Variants in ASPG observed in about 807,000 individuals in gnomAD.
ASPG encodes asparaginase, also known as 60 kDa lysophospholipase.
In ASPG, 53 loss-of-function variants were observed where a neutral mutation model predicts 63.2. The observed-to-expected ratio is 0.84, with a 90% confidence interval of 0.67 to 1.05. The LOEUF is 1.05. Ranked by LOEUF, ASPG falls within the 50% of genes least tolerant of loss-of-function variation. ASPG has a pLI of 0.00. For synonymous variants in ASPG, 370 were observed against 355.0 expected, an observed-to-expected ratio of 1.04 and a Z score of -0.48; for missense variants, 741 against 794.4, an observed-to-expected ratio of 0.93 and a Z score of 0.81.
At chr14:104,095,687 C>T (rs750232767) in intron 4 of ASPG, 31 bp downstream of exon 4, 1 of 1,610,972 alleles carries the variant, frequency 6.2e-7, no homozygotes, top group Non-Finnish European at 8.5e-7. Flanking sequence ...CTCCTAGGAA[C>T]AGGGGCTTCC....
In ASPG at chr14:104,112,075, G is replaced by C; in HGVS notation, c.1701+75G>C. The C allele has an allele frequency of 4.3e-6, 6 of 1,401,966 alleles. No individual in the cohort carries two copies. The East Asian group carries it at 7.5e-5, about 17-fold the overall frequency. 86.8% of individuals were successfully genotyped at this position (1,401,966 alleles called of 1,614,324 possible). A position where few individuals can be genotyped will look rare whatever the true frequency, so the allele number is the denominator to read the frequency against. On this transcript the variant is annotated intron_variant, in intron 15 of 15. Transcript: ENST00000551177. Reference sequence around the variant, plus strand: ...GCAGGGCTGGATCCTGGCTCGGGGGGGCGTAATCAAGGGGAACAGAACCGG... The same window carrying C: ...GCAGGGCTGGATCCTGGCTCGGGGGCGCGTAATCAAGGGGAACAGAACCGG...
rs538671236 is a variant in ASPG, at chr14:104,104,166, C to T, written c.754-138C>T. ...AGCAGCCATGCACGTCTGCCAGGAG[C>T]CCCACTGTCCCGGGAGCAGAGCAGG... On this transcript the variant is annotated intron_variant, in intron 7 of 15. Coordinates refer to ENST00000551177, the MANE Select transcript of ASPG (RefSeq NM_001080464.3). 46 of 967,700 alleles carry T rather than the reference C, an allele frequency of 4.8e-5. No homozygotes were observed. The African/African-American group carries it at 6.9e-4, about 15-fold the overall frequency. The allele number at this position is 967,700 out of a possible 1,614,324, so 59.9% of individuals were successfully genotyped here.
At chr14:104,089,452 G>A (rs1417791725) in intron 1 of ASPG, among the ~76,000 whole-genome samples, 1 of 152,068 alleles carries the variant, frequency 6.6e-6, no homozygotes, top group African/African-American at 2.4e-5. Flanking sequence ...CCAGGAGGTG[G>A]AGGTTGCAGT....
intron 1 of ASPG, among the ~76,000 whole-genome samples, chr14:104,089,992 A>G (rs2036322609): frequency 6.6e-6 from 1 of 151,856 alleles, no homozygotes; most frequent in Admixed American, 6.6e-5. Context: ...AGGAGAAGAA[A>G]AAGAAAAAAG....
intron 4 of ASPG, among the ~76,000 whole-genome samples, chr14:104,096,205 A>T (rs1266150727): frequency 6.6e-6 from 1 of 152,126 alleles, no homozygotes; most frequent in Non-Finnish European, 1.5e-5. Context: ...ACTGGATTTG[A>T]GGGGATGTGG....
intron 6 of ASPG, among the ~76,000 whole-genome samples, chr14:104,102,758 G>A (rs2036934527): frequency 6.6e-6 from 1 of 152,204 alleles, no homozygotes; most frequent in African/African-American, 2.4e-5. Flanking sequence ...AACCCTGGGG[G>A]CTCAATTGCT....
At position 104,095,547 on chromosome 14, in the gene ASPG, A is replaced by G. The variant is rs990194718; in HGVS notation, c.320A>G (p.Tyr107Cys). ...AQTIKRHYEQ[Y>C]HGFVVIHGTD... is the part of the protein sequence containing the mutation. ...CTCCTGCAGAGGCACTACGAGCAGT[A>G]CCACGGCTTTGTGGTCATCCACGGC... Residue 107 changes from tyrosine (Y) to cysteine (C), a missense_variant, in exon 4 of 16, where the codon TAC (tyrosine) becomes TGC (cysteine). By Grantham distance (194) the Tyr-to-Cys change is radical (BLOSUM62 -2). Transcript: ENST00000551177. The G allele has an allele frequency of 6.2e-7, 1 of 1,613,050 alleles. No individual in the cohort carries two copies. The highest frequency in any genetic ancestry group is 1.3e-5 in the African/African-American group (1 of 75,036).
At chr14:104,111,757 C>T in intron 14 of ASPG, 156 bp downstream of exon 14, 2 of 924,492 alleles carry the variant, frequency 2.2e-6, no homozygotes, top group Non-Finnish European at 3.3e-6. Context: ...ACTGGGTCCC[C>T]TTCCCGGGGC....
chr14:104,106,034 CCGG>C (rs1199315595), intron 10 of ASPG, among the ~76,000 whole-genome samples: 1 of 152,258 alleles, frequency 6.6e-6, no homozygotes, highest in Non-Finnish European at 1.5e-5. Flanking sequence ...GGGTCCTGCC[CCGG>C]CCTCAGTGCC....
chr14:104,105,273 C>T, intron 9 of ASPG, 55 bp from the exon 10 acceptor site: 1 of 1,612,256 alleles, frequency 6.2e-7, no homozygotes, highest in Admixed American at 1.7e-5. Context: ...CCAGGCTGTC[C>T]TGGGCTGCCC....
intron 1 of ASPG, among the ~76,000 whole-genome samples, chr14:104,088,353 T>C (rs1161226569): frequency 6.6e-6 from 1 of 152,152 alleles, no homozygotes; most frequent in Non-Finnish European, 1.5e-5. Context: ...GGGACGCCCC[T>C]TGACCCATCC....
intron 15 of ASPG, 150 bp from the exon 16 acceptor site, chr14:104,112,374 C>A: frequency 3.0e-6 from 2 of 676,120 alleles, no homozygotes; most frequent in Middle Eastern, 3.3e-4. Flanking sequence ...ACCCCCATTC[C>A]CACTTGGTTG....
At chr14:104,097,755 G>A in intron 5 of ASPG, 118 bp downstream of exon 5, 3 of 881,602 alleles carry the variant, frequency 3.4e-6, no homozygotes, top group South Asian at 3.2e-5. Flanking sequence ...ATAGCTGGGT[G>A]CACTGTCTTC....
Position 104,098,968 on chromosome 14 carries a change from C to T in ASPG, c.629C>T (p.Ala210Val). ...PNLLPLATVGADITINRELVR... is the reference protein window; with the variant it reads ...PNLLPLATVGVDITINRELVR... ...CTGCTGCCTCTGGCCACAGTGGGTG[C>T]TGACATCACAAGTAAGCCCCGCAGG... is the stretch of plus-strand genomic sequence containing the variant. Residue 210 changes from alanine to valine, a missense_variant, in exon 6 of 16, where the codon GCT (alanine) becomes GTT (valine). Transcript: ENST00000551177. 1 of 1,595,202 alleles carries T rather than the reference C, an allele frequency of 6.3e-7. No homozygotes were observed. Among genetic ancestry groups the T allele is most frequent in the Non-Finnish European group, 8.5e-7 (1 of 1,171,562 alleles).
chr14:104,097,759 T>A (rs1011897740), intron 5 of ASPG, 122 bp downstream of exon 5: 1 of 836,128 alleles, frequency 1.2e-6, no homozygotes, highest in Non-Finnish European at 1.9e-6. Context: ...CTGGGTGCAC[T>A]GTCTTCTAGA....
rs2037428687 is a variant in ASPG, at chr14:104,113,554, G to A, written c.*1010G>A. 1 of 152,636 alleles carries A rather than the reference G, an allele frequency of 6.6e-6. No homozygotes were observed. 9.5% of individuals were successfully genotyped at this position (152,636 alleles called of 1,614,324 possible). A position where few individuals can be genotyped will look rare whatever the true frequency, so the allele number is the denominator to read the frequency against. ...CTTCTTGCTGGGTGTGAGGAGCATG[G>A]GGGCTGCCTCCCTCCAGGCCTCTCT... is the stretch of plus-strand genomic sequence containing the variant. On this transcript the variant is annotated 3_prime_UTR_variant, in exon 16 of 16. Transcript: ENST00000551177.
chr14:104,097,920 CGTTAGAGATGCGTATGGAGGTTCTGT>C (rs1566830130), intron 5 of ASPG, among the ~76,000 whole-genome samples: 1,463 of 128,614 alleles, frequency 0.011, 90 homozygotes, highest in African/African-American at 0.02. Context: ...GGAGGTTCTG[CGTTAGAGATGCGTATGGAGGTTCTGT>C]GTTAGAGATG....
rs1423631805 is a variant in ASPG at position 104,091,747 on chromosome 14, G to T, written c.83-886G>T. On this transcript the variant is annotated intron_variant, in intron 1 of 15. Transcript: ENST00000551177. The surrounding 1 kb of genome is among the most constrained non-coding windows in gnomAD (Gnocchi z 6.4). ...GGCGATGGGTACAGCTGCAGAGGGC[G>T]AGGGGGGAAAGCAGGTGACCATGGC... Among the ~76,000 whole-genome samples, 1 of 151,744 alleles carries T rather than the reference G, an allele frequency of 6.6e-6. No homozygotes were observed. Among genetic ancestry groups the T allele is most frequent in the Non-Finnish European group, 1.5e-5 (1 of 67,972 alleles).
chr14:104,095,719 C>T (rs1282084931), intron 4 of ASPG, 63 bp downstream of exon 4: 12 of 1,597,830 alleles, frequency 7.5e-6, no homozygotes, highest in East Asian at 2.2e-5. Flanking sequence ...GGCAAGTCAG[C>T]GCTGTGGGCG....
Sources: gnomAD v4.1 joint callset for allele counts (sites outside exome capture counted in the v4.1 genomes callset) on GRCh38, gnomAD v4.1.1 for gene constraint, Gnocchi (gnomAD v3.1) non-coding constraint, MANE v1.5 for transcripts, NCBI Gene and HGNC (gene_info 2026-07-23, HGNC 2026-07-21) for gene names.